The following USP34 variants were observed in gnomAD, a reference collection of about 807,000 sequenced individuals.
USP34 encodes the protein ubiquitin carboxyl-terminal hydrolase 34.
Under a neutral mutation model 460.3 loss-of-function variants are expected in USP34, and 70 were observed. That is an observed-to-expected ratio of 0.15 (90% CI 0.13 to 0.19). USP34 has a LOEUF of 0.19. Ranked by LOEUF, USP34 falls within the 10% of genes least tolerant of loss-of-function variation. The pLI, the probability that USP34 is intolerant of heterozygous loss-of-function variation, is 1.00. For synonymous variants in USP34, 1,647 were observed against 1,405.3 expected (o/e 1.17, Z -3.85); for missense variants, 3,985 against 4,236.2 (o/e 0.94, Z 1.65).
At chr2:61,358,982 A>C (rs1692191269) in intron 10 of USP34, among the ~76,000 whole-genome samples, 1 of 152,212 alleles carries the variant, frequency 6.6e-6, no homozygotes, top group African/African-American at 2.4e-5. Flanking sequence ...AGACAAAGAC[A>C]TTCATGTTAA....
chr2:61,378,208 G>A (rs1692852352), intron 8 of USP34, among the ~76,000 whole-genome samples, 155 bp downstream of exon 8: 1 of 151,966 alleles, frequency 6.6e-6, no homozygotes, highest in Admixed American at 6.6e-5. Context: ...GTTACAGACA[G>A]CATAATGTTC....
intron 30 of USP34, among the ~76,000 whole-genome samples, chr2:61,295,627 G>C (rs1690001997): frequency 6.6e-6 from 1 of 152,144 alleles, no homozygotes; most frequent in Non-Finnish European, 1.5e-5. Flanking sequence ...TTAAATGTCT[G>C]TACTTAATAG....
chr2:61,347,738 A>T (rs1416571921), intron 15 of USP34, 132 bp downstream of exon 15: 3 of 1,449,694 alleles, frequency 2.1e-6, no homozygotes, highest in Non-Finnish European at 2.7e-6. Context: ...ATCTATTTGT[A>T]GCTTACATTT....
At chr2:61,345,430 A>T (rs1231948764) in intron 15 of USP34, among the ~76,000 whole-genome samples, 1 of 152,224 alleles carries the variant, frequency 6.6e-6, no homozygotes, top group African/African-American at 2.4e-5. Context: ...ACTTAATTGC[A>T]TTCTGGAAGA....
intron 51 of USP34, among the ~76,000 whole-genome samples, chr2:61,242,132 C>G (rs1232886991): frequency 1.3e-5 from 2 of 151,922 alleles, no homozygotes; most frequent in Non-Finnish European, 2.9e-5. Flanking sequence ...TTGGCCTTGT[C>G]CTAATTTTGG....
intron 78 of USP34, chr2:61,189,732 G>T (rs1207319485): frequency 1.3e-5 from 2 of 152,494 alleles, no homozygotes; most frequent in Non-Finnish European, 2.9e-5. Flanking sequence ...AATTCTGATG[G>T]ATGTCACAAA....
chr2:61,425,286 A>G (rs1034324479), intron 1 of USP34, among the ~76,000 whole-genome samples: 1 of 152,114 alleles, frequency 6.6e-6, no homozygotes, highest in Non-Finnish European at 1.5e-5. Context: ...TAACTGAAAC[A>G]CCTTCATAAA....
intron 20 of USP34, among the ~76,000 whole-genome samples, chr2:61,329,875 G>C (rs886965724): frequency 3.3e-5 from 5 of 152,270 alleles, no homozygotes; most frequent in African/African-American, 9.6e-5. Context: ...TAATAACCTA[G>C]AGCTAGGTCT....
chr2:61,426,079 G>C (rs1177265539), intron 1 of USP34, among the ~76,000 whole-genome samples: 1 of 152,088 alleles, frequency 6.6e-6, no homozygotes, highest in Non-Finnish European at 1.5e-5. Context: ...CTTGGGCCCT[G>C]AATAACCAGT....
intron 51 of USP34, 61 bp downstream of exon 51, chr2:61,245,149 T>C: frequency 7.7e-7 from 1 of 1,290,826 alleles, no homozygotes; most frequent in Non-Finnish European, 1.1e-6. Flanking sequence ...TATTGGATTT[T>C]ATGATATGAC....
intron 1 of USP34, among the ~76,000 whole-genome samples, chr2:61,462,533 A>G (rs528661608): frequency 1.2e-3 from 186 of 149,942 alleles, no homozygotes; most frequent in Admixed American, 2.9e-3. Flanking sequence ...TGGGCCACAG[A>G]GTAAGACTCC....
intron 75 of USP34, among the ~76,000 whole-genome samples, chr2:61,199,577 C>T (rs1035867425): frequency 2.6e-5 from 4 of 152,182 alleles, no homozygotes; most frequent in African/African-American, 9.7e-5. Context: ...CTTTAATCCT[C>T]CTGGTATTAA....
intron 27 of USP34, among the ~76,000 whole-genome samples, chr2:61,305,683 A>C (rs1462601377): frequency 6.6e-6 from 1 of 152,192 alleles, no homozygotes; most frequent in African/African-American, 2.4e-5. Context: ...CACAGATCTA[A>C]GAAGGTAAAC....
chr2:61,237,115 G>C (rs770315804), intron 53 of USP34, among the ~76,000 whole-genome samples: 3 of 152,068 alleles, frequency 2.0e-5, no homozygotes, highest in Non-Finnish European at 4.4e-5. Context: ...ACTTAATAGG[G>C]TTCCTGCTCT....
Position 61,241,771 on chromosome 2 carries a change from CA to C in USP34, c.6675del (p.Phe2225LeufsTer34). The C allele has an allele frequency of 6.5e-7, 1 of 1,531,536 alleles. No homozygotes were observed. 94.9% of individuals were successfully genotyped at this position (1,531,536 alleles called of 1,614,324 possible). A position where few individuals can be genotyped will look rare whatever the true frequency, so the allele number is the denominator to read the frequency against. ...SVTDKFMDFS[F>X]EKTHSAYMLF... ...TACATGAAAAAAATGGTTACCTTTTCAAAAGAGAAGTCCATAAATTTATCTG... is the reference window on the plus strand; with the variant it reads ...TACATGAAAAAAATGGTTACCTTTTCAAAGAGAAGTCCATAAATTTATCTG... On this transcript the variant is annotated frameshift_variant, in exon 52 of 80. Coordinates refer to ENST00000398571, the MANE Select transcript of USP34 (RefSeq NM_014709.4). LOFTEE classifies it high-confidence loss of function.
chr2:61,420,896 T>C, intron 1 of USP34, 63 bp from the exon 2 acceptor site: 2 of 1,229,840 alleles, frequency 1.6e-6, no homozygotes, highest in Non-Finnish European at 2.3e-6. Context: ...AGCCAACAGT[T>C]CAAAATAAAG....
chr2:61,391,129 C>A (rs1693332925), intron 5 of USP34, among the ~76,000 whole-genome samples: 1 of 151,496 alleles, frequency 6.6e-6, no homozygotes, highest in Non-Finnish European at 1.5e-5. Context: ...CACCATCTGA[C>A]AAAGTTACCT....
At position 61,311,774 on chromosome 2, in the gene USP34, A is replaced by G; in HGVS notation, c.3669+10T>C. 1 of 1,612,994 alleles carries G rather than the reference A, an allele frequency of 6.2e-7. No homozygotes were observed. Among genetic ancestry groups the G allele is most frequent in the East Asian group, 2.2e-5 (1 of 44,868 alleles). On this transcript the variant is annotated intron_variant, in intron 26 of 79. Coordinates refer to ENST00000398571, the MANE Select transcript of USP34 (RefSeq NM_014709.4). ...TGTTATCAACTTCGAAATTAAAACT[A>G]TGTAAGTACCTTGTCAGGAAGTCCA...
rs144335148 is a variant in USP34, at chr2:61,205,938, A to T, written c.9154+79T>A. 363 of 1,087,698 alleles carry T rather than the reference A, an allele frequency of 3.3e-4. 1 individual carries two copies. Among genetic ancestry groups the T allele is most frequent in the Non-Finnish European group, 4.6e-4 (330 of 717,980 alleles). The allele number at this position is 1,087,698 out of a possible 1,614,324, so 67.4% of individuals were successfully genotyped here. A position where few individuals can be genotyped will look rare whatever the true frequency, so the allele number is the denominator to read the frequency against. On this transcript the variant is annotated intron_variant, in intron 72 of 79. Coordinates refer to ENST00000398571, the MANE Select transcript of USP34 (RefSeq NM_014709.4). Reference sequence around the variant, plus strand: ...AGCACAAGTATCTTTCAAACACTACAGGCTTAACATCACGGAAAAACTCAC... The same window carrying T: ...AGCACAAGTATCTTTCAAACACTACTGGCTTAACATCACGGAAAAACTCAC...
Sources: allele counts gnomAD v4.1 joint callset (sites outside exome capture counted in the v4.1 genomes callset), GRCh38; gene constraint gnomAD v4.1.1; transcripts MANE v1.5; gene names NCBI Gene and HGNC (gene_info 2026-07-23, HGNC 2026-07-21).